Variants in SLC36A4 observed in about 807,000 individuals in gnomAD.
SLC36A4 encodes the protein neutral amino acid uniporter 4.
A neutral mutation model predicts 50.5 loss-of-function variants in SLC36A4; 49 were observed. The ratio of observed to expected loss-of-function variants is 0.97; its 90% CI spans 0.77 to 1.23. The LOEUF is 1.23. Ranked by LOEUF, SLC36A4 falls within the 50% of genes most tolerant of loss-of-function variation. The pLI, the probability that SLC36A4 is intolerant of heterozygous loss-of-function variation, is 0.00. For missense variants in SLC36A4, 611 were observed against 608.4 expected (o/e 1.00, Z -0.05); for synonymous variants, 207 against 206.5 (o/e 1.00, Z -0.02).
rs368010634 is a variant in SLC36A4, at chr11:93,180,053, C to T, written c.540+744G>A. On this transcript the variant is annotated intron_variant, in intron 6 of 10. Transcript: ENST00000326402. ...CCATCATTTTGCATAAAAATATCTA[C>T]AAGACAATCCTATATATTACTATGT... The T allele has an allele frequency of 1.6e-5, 15 of 937,448 alleles. No individual in the cohort carries two copies. In the East Asian group the frequency reaches 8.1e-4, roughly 51 times the overall value. 58.1% of individuals were successfully genotyped at this position (937,448 alleles called of 1,614,324 possible). A position where few individuals can be genotyped will look rare whatever the true frequency, so the allele number is the denominator to read the frequency against.
chr11:93,183,791 G>C (rs1225316771), intron 3 of SLC36A4, among the ~76,000 whole-genome samples: 3 of 151,808 alleles, frequency 2.0e-5, no homozygotes, highest in African/African-American at 7.3e-5. Context: ...TCCACCTCCT[G>C]GGTTCACGCC....
chr11:93,176,462 T>C (rs1722008437), intron 6 of SLC36A4, among the ~76,000 whole-genome samples: 1 of 152,124 alleles, frequency 6.6e-6, no homozygotes, highest in African/African-American at 2.4e-5. Context: ...AAAGTTAATA[T>C]TGTTATGTGT....
chr11:93,150,968 T>C (rs1039478646), intron 10 of SLC36A4, among the ~76,000 whole-genome samples: 2 of 152,014 alleles, frequency 1.3e-5, no homozygotes, highest in Non-Finnish European at 2.9e-5. Context: ...TGGAAAACTA[T>C]GTGGGGGAAT....
Position 93,148,168 on chromosome 11 carries a change from G to T in SLC36A4, c.*369C>A. 6.0e-6 allele frequency: 1 copy of T among 166,660 alleles called. No homozygotes were observed. The highest frequency in any genetic ancestry group is 1.3e-5 in the Non-Finnish European group (1 of 79,050). The allele number at this position is 166,660 out of a possible 1,614,324, so 10.3% of individuals were successfully genotyped here. On this transcript the variant is annotated 3_prime_UTR_variant, in exon 11 of 11. Transcript: ENST00000326402. ...CATGTTCTTATTTTATTCTCTTATT[G>T]TTGAAATCCTATTCTGTTCTCAAGT...
At chr11:93,178,785 C>G (rs772781490) in intron 6 of SLC36A4, among the ~76,000 whole-genome samples, 2 of 152,156 alleles carry the variant, frequency 1.3e-5, no homozygotes, top group Non-Finnish European at 2.9e-5. Flanking sequence ...AGAACTGGAG[C>G]AAGACAAGGA....
chr11:93,182,873 A>G lies in SLC36A4; in HGVS notation c.292T>C (p.Phe98Leu). 3 of 1,612,442 alleles carry G rather than the reference A, an allele frequency of 1.9e-6. No individual in the cohort carries two copies. Among genetic ancestry groups the G allele is most frequent in the Non-Finnish European group, 2.5e-6 (3 of 1,179,242 alleles). ...GIVLGPISLV[F>L]IGIISVHCMH... is the part of the protein sequence containing the mutation. ...CAGTGAACAGAAATAATTCCTATAA[A>G]CACAAGGCTGATTGGTCCAAGCTGT... The change falls in exon 4 of 11, where the codon TTT becomes CTT. Residue 98 changes from phenylalanine to leucine, a missense_variant. By Grantham distance (22) the Phe-to-Leu change is conservative (BLOSUM62 0). Coordinates refer to ENST00000326402, the MANE Select transcript of SLC36A4 (RefSeq NM_152313.4).
At chr11:93,175,362 C>A (rs1222352342) in intron 6 of SLC36A4, among the ~76,000 whole-genome samples, 60 of 149,518 alleles carry the variant, frequency 4.0e-4, no homozygotes, top group African/African-American at 1.4e-3. Context: ...GTCTTGCTAG[C>A]GGTCTATCAA....
At position 93,168,057 on chromosome 11, in the gene SLC36A4, A is replaced by G; in HGVS notation, c.655T>C (p.Phe219Leu). The change falls in exon 7 of 11, where the codon TTT becomes CTT. Residue 219 changes from phenylalanine (F) to leucine (L), a missense_variant. Coordinates refer to ENST00000326402, the MANE Select transcript of SLC36A4 (RefSeq NM_152313.4). ...CGAATGAAGACCAAAAGAATTATAA[A>G]TGGAAGAAAGCAAAGCATATATATC... Reference protein sequence around the residue: ...LRIYMLCFLPFIILLVFIREL... With the variant: ...LRIYMLCFLPLIILLVFIREL... The G allele has an allele frequency of 6.2e-7, 1 of 1,612,514 alleles. No homozygotes were observed. Among genetic ancestry groups the G allele is most frequent in the Non-Finnish European group, 8.5e-7 (1 of 1,178,942 alleles).
chr11:93,155,937 T>C (rs746549391), intron 9 of SLC36A4, among the ~76,000 whole-genome samples: 4 of 152,248 alleles, frequency 2.6e-5, no homozygotes, highest in Non-Finnish European at 5.9e-5. Context: ...TAGTATTCCA[T>C]GATGTATATG....
chr11:93,191,703 G>A (rs902689337), intron 1 of SLC36A4, among the ~76,000 whole-genome samples: 1 of 152,138 alleles, frequency 6.6e-6, no homozygotes, highest in Non-Finnish European at 1.5e-5. Context: ...AGACTCTCAT[G>A]GCTTACCTTT....
At chr11:93,182,493 C>T (rs891512995) in intron 4 of SLC36A4, among the ~76,000 whole-genome samples, 3 of 152,090 alleles carry the variant, frequency 2.0e-5, no homozygotes, top group African/African-American at 4.8e-5. Flanking sequence ...GAATTACTAA[C>T]ACATTGAAGA....
chr11:93,157,511 T>C (rs1255195843), intron 9 of SLC36A4, among the ~76,000 whole-genome samples: 1 of 152,216 alleles, frequency 6.6e-6, no homozygotes, highest in Non-Finnish European at 1.5e-5. Flanking sequence ...GTGTCATCTC[T>C]GATTTCTCTG....
chr11:93,166,245 AG>A, intron 7 of SLC36A4: 1 of 1,239,358 alleles, frequency 8.1e-7, no homozygotes, highest in South Asian at 2.3e-5. Context: ...ATTCCATCTG[AG>A]CAAAATGCTC....
Position 93,146,552 on chromosome 11 carries a change from C to T in SLC36A4, c.*1985G>A, listed in dbSNP as rs1859848891. On this transcript the variant is annotated 3_prime_UTR_variant, in exon 11 of 11. Transcript: ENST00000326402. The stretch of plus-strand genomic sequence containing the variant: ...AAGTTTTGATTCTTATGACTTTGTA[C>T]CAAAATAAAGCTTCTGATATATCTT... 1 of 151,778 alleles carries T rather than the reference C, an allele frequency of 6.6e-6. No individual in the cohort carries two copies. The highest frequency in any genetic ancestry group is 6.6e-5 in the Admixed American group (1 of 15,210). The allele number at this position is 151,778 out of a possible 1,614,324, so 9.4% of individuals were successfully genotyped here.
At position 93,190,302 on chromosome 11, in the gene SLC36A4, T is replaced by C. The variant is rs991184208; in HGVS notation, c.56-4488A>G. Among the ~76,000 whole-genome samples the C allele has an allele frequency of 2.6e-5, 4 of 152,174 alleles. No individual in the cohort carries two copies. The South Asian group carries it at 6.2e-4, about 24-fold the overall frequency. On this transcript the variant is annotated intron_variant, in intron 1 of 10. Coordinates refer to ENST00000326402, the MANE Select transcript of SLC36A4 (RefSeq NM_152313.4). The stretch of plus-strand genomic sequence containing the variant: ...AGGAGGAATAAGATCTAATGTTCTA[T>C]AGCACAATACGGCAACGGTAGTTAA...
intron 6 of SLC36A4, chr11:93,172,046 G>A (rs941618067): frequency 6.6e-6 from 1 of 151,784 alleles, no homozygotes; most frequent in African/African-American, 2.4e-5. Context: ...TGTGTCTGAT[G>A]GTTTACAGAT....
intron 9 of SLC36A4, among the ~76,000 whole-genome samples, chr11:93,156,443 G>A (rs1475278186): frequency 6.8e-6 from 1 of 147,486 alleles, no homozygotes; most frequent in African/African-American, 2.5e-5. Flanking sequence ...TTTTTGGGGT[G>A]GAGTCTCACT....
In SLC36A4 at chr11:93,148,447, A is replaced by C. The variant is rs1859928957; in HGVS notation, c.*90T>G. The C allele has an allele frequency of 3.5e-6, 4 of 1,128,956 alleles. No homozygotes were observed. Among genetic ancestry groups the C allele is most frequent in the East Asian group, 2.4e-5 (1 of 41,996 alleles). The allele number at this position is 1,128,956 out of a possible 1,614,324, so 69.9% of individuals were successfully genotyped here. On this transcript the variant is annotated 3_prime_UTR_variant, in exon 11 of 11. Coordinates refer to ENST00000326402, the MANE Select transcript of SLC36A4 (RefSeq NM_152313.4). ...GCCAAAGAAAACAGAGTTTGTTACC[A>C]TTTTTATGTATATAGCAATGTATTT...
In SLC36A4 at chr11:93,148,059, T is replaced by TA; in HGVS notation, c.*477dup. The TA allele has an allele frequency of 6.6e-6, 1 of 151,904 alleles. No homozygotes were observed. Among genetic ancestry groups the TA allele is most frequent in the Non-Finnish European group, 1.5e-5 (1 of 67,916 alleles). 9.4% of individuals were successfully genotyped at this position (151,904 alleles called of 1,614,324 possible). On this transcript the variant is annotated 3_prime_UTR_variant, in exon 11 of 11. Transcript: ENST00000326402. ...CATTAGAATTTGGCTAATAAAAACA[T>TA]AACTGAGATTTTTTTTTTTTACACT...
Sources: gnomAD v4.1 joint callset for allele counts (sites outside exome capture counted in the v4.1 genomes callset) on GRCh38, gnomAD v4.1.1 for gene constraint, MANE v1.5 for transcripts, NCBI Gene and HGNC (gene_info 2026-07-23, HGNC 2026-07-21) for gene names.